PLOD3: variants seen among roughly 807,000 people sequenced by gnomAD.
The protein encoded by PLOD3 is procollagen-lysine,2-oxoglutarate 5-dioxygenase 3.
In PLOD3, 73 loss-of-function variants were observed where a neutral mutation model predicts 96.9. The observed-to-expected ratio is 0.75, with a 90% CI of 0.62 to 0.92. The LOEUF is 0.92. Among genes scored for constraint, PLOD3 ranks in the 40% least tolerant of loss-of-function variants. PLOD3 has a pLI of 0.00. For synonymous variants in PLOD3, 454 were observed against 413.7 expected, an observed-to-expected ratio of 1.10 and a Z score of -1.18; for missense variants, 1,004 against 1,004.3, an observed-to-expected ratio of 1.00 and a Z score of 0.00.
chr7:101,211,516 C>G (rs533750385), intron 12 of PLOD3, 75 bp downstream of exon 12: 4 of 1,501,378 alleles, frequency 2.7e-6, no homozygotes, highest in South Asian at 2.4e-5. Context: ...CTCCAAACCC[C>G]TGAGAGTAGG....
chr7:101,215,812 C>T (rs965029321), intron 5 of PLOD3, 96 bp downstream of exon 5: 1 of 864,166 alleles, frequency 1.2e-6, no homozygotes, highest in Non-Finnish European at 1.9e-6. Context: ...ACACATTTTT[C>T]TCTTTGCAAC....
chr7:101,210,702 G>A, intron 12 of PLOD3, 29 bp from the exon 13 acceptor site: 1 of 1,612,246 alleles, frequency 6.2e-7, no homozygotes, highest in Non-Finnish European at 8.5e-7. Context: ...CGGTCAGCTG[G>A]GAGGACAGCC....
chr7:101,208,922 T>C lies in PLOD3; in HGVS notation c.1719A>G (p.Ser573=). Residue 573 remains serine, a synonymous_variant, in exon 16 of 19, where the codon TCA becomes TCG. Coordinates refer to ENST00000223127, the MANE Select transcript of PLOD3 (RefSeq NM_001084.5). ...CPDVYWFPLL[S]EQMCDELVAE... is the part of the protein sequence containing the mutation. ...CCACCAGCTCATCACACATTTGTTC[T>C]GACAGCAGTGGGAACCAGTACACGT... 3 of 1,613,914 alleles carry C rather than the reference T, an allele frequency of 1.9e-6. No homozygotes were observed. The highest frequency in any genetic ancestry group is 2.5e-6 in the Non-Finnish European group (3 of 1,179,814).
intron 7 of PLOD3, 21 bp downstream of exon 7, chr7:101,213,086 G>A: frequency 6.4e-7 from 1 of 1,551,280 alleles, no homozygotes; most frequent in Non-Finnish European, 8.9e-7. Context: ...GCGGGGCGGG[G>A]GTTGAGACCA....
chr7:101,208,495 C>T (rs1445502567), intron 16 of PLOD3: 3 of 348,958 alleles, frequency 8.6e-6, no homozygotes, highest in Non-Finnish European at 1.7e-5. Flanking sequence ...CCTGCCTCGG[C>T]CTCCCAAAGT....
chr7:101,210,816 C>A, intron 12 of PLOD3, 143 bp from the exon 13 acceptor site: 1 of 784,528 alleles, frequency 1.3e-6, no homozygotes, highest in East Asian at 2.6e-5. Flanking sequence ...CACTGCTGGT[C>A]CCAACCACCC....
chr7:101,209,531 T>C (rs1423712728), intron 15 of PLOD3, among the ~76,000 whole-genome samples: 2 of 147,468 alleles, frequency 1.4e-5, no homozygotes, highest in Non-Finnish European at 3.0e-5. Flanking sequence ...GTGCACGCCA[T>C]CACACCTGAC....
intron 17 of PLOD3, 107 bp downstream of exon 17, chr7:101,207,471 G>C: frequency 8.3e-7 from 1 of 1,211,904 alleles, no homozygotes; most frequent in South Asian, 1.4e-5. Context: ...GAACTAAAAT[G>C]CATGGAGCCC....
In PLOD3 at chr7:101,217,343, G is replaced by A. The variant is rs1259322357; in HGVS notation, c.-69C>T. 2.2e-6 allele frequency: 3 copies of A among 1,339,948 alleles called. No individual in the cohort carries two copies. The highest frequency in any genetic ancestry group is 9.6e-7 in the Non-Finnish European group (1 of 1,044,660). The allele number at this position is 1,339,948 out of a possible 1,614,324, so 83.0% of individuals were successfully genotyped here. A position where few individuals can be genotyped will look rare whatever the true frequency, so the allele number is the denominator to read the frequency against. The stretch of plus-strand genomic sequence containing the variant: ...CGCTACGCGCCTGGATCCCAGCTCC[G>A]GAGGGGAGCTCTGGAAAGGGGGCGC... On this transcript the variant is annotated 5_prime_UTR_variant, in exon 1 of 19. Coordinates refer to ENST00000223127, the MANE Select transcript of PLOD3 (RefSeq NM_001084.5).
intron 5 of PLOD3, 120 bp downstream of exon 5, chr7:101,215,788 C>T: frequency 1.3e-6 from 1 of 742,020 alleles, no homozygotes. Flanking sequence ...AGGCGTGAGC[C>T]ACCACGCCCA....
intron 17 of PLOD3, among the ~76,000 whole-genome samples, chr7:101,207,162 G>A (rs1255289597): frequency 1.3e-5 from 2 of 152,046 alleles, no homozygotes; most frequent in Non-Finnish European, 2.9e-5. Context: ...TTTTAGTAGA[G>A]ACGAGGTTTC....
intron 5 of PLOD3, 56 bp downstream of exon 5, chr7:101,215,852 T>C (rs921185075): frequency 1.7e-6 from 2 of 1,210,506 alleles, no homozygotes; most frequent in Non-Finnish European, 2.5e-6. Context: ...CCATTCAGCC[T>C]GAGGCCTCCA....
intron 11 of PLOD3, 44 bp downstream of exon 11, chr7:101,211,802 C>T: frequency 6.3e-7 from 1 of 1,587,574 alleles, no homozygotes; most frequent in Non-Finnish European, 8.6e-7. Context: ...GTTCCCGGGG[C>T]CTGTTGGGGT....
chr7:101,216,006 C>T lies in PLOD3; in HGVS notation c.517G>A (p.Ala173Thr), dbSNP rs1429677452. The T allele has an allele frequency of 1.2e-6, 2 of 1,613,922 alleles. No individual in the cohort carries two copies. The highest frequency in any genetic ancestry group is 1.3e-5 in the African/African-American group (1 of 74,912). Residue 173 changes from alanine (A) to threonine (T), a missense_variant, in exon 5 of 19, where the codon GCC (alanine) becomes ACC (threonine). Ala to Thr is a moderately conservative substitution (Grantham distance 58). This residue lies in a region of PLOD3 where 690 missense variants were observed against 650.2 expected (regional missense o/e 1.06). Transcript: ENST00000223127. ...FLNSGGFIGFATTIHQIVRQW... is the reference protein window; with the variant it reads ...FLNSGGFIGFTTTIHQIVRQW... The stretch of plus-strand genomic sequence containing the variant: ...CGCACGATTTGGTGGATGGTGGTGG[C>T]AAAACCGATGAATCCTGGCGGGGAG...
chr7:101,210,101 C>G lies in PLOD3; in HGVS notation c.1675G>C (p.Val559Leu). The G allele has an allele frequency of 6.3e-7, 1 of 1,596,508 alleles. No homozygotes were observed. The highest frequency in any genetic ancestry group is 1.7e-5 in the Admixed American group (1 of 57,438). The change falls in exon 15 of 19, where the codon GTG (valine) becomes CTG (leucine). Residue 559 changes from valine (V) to leucine (L), a missense_variant. Val to Leu is a conservative substitution (Grantham distance 32). Around this residue, in one of 5 missense-constraint regions of PLOD3, gnomAD observed 65 missense variants for 68.8 expected, o/e 0.94. Transcript: ENST00000223127. ...AGGCTGCGTGGGCTCACCTGCTCCA[C>G]GATTCCTTCCCCTTCCAGGGCCCGG... is the stretch of plus-strand genomic sequence containing the variant. ...YSRALEGEGI[V>L]EQPCPDVYWF...
At chr7:101,215,876 G>A (rs1048779512) in intron 5 of PLOD3, 32 bp downstream of exon 5, 2 of 1,440,370 alleles carry the variant, frequency 1.4e-6, no homozygotes, top group South Asian at 2.3e-5. Flanking sequence ...CCACAGAGCT[G>A]CGGGATGCGC....
At position 101,217,219 on chromosome 7, in the gene PLOD3, G is replaced by GGCA. The variant is rs886467626; in HGVS notation, c.53_55dup (p.Leu18dup). Reference sequence around the variant, plus strand: ...CCGGTCGGAGGCTGAGGCCGCAGGGGGCAGCAGCAGCGGCAGCAGCAGCAG... The same window carrying GGCA: ...CCGGTCGGAGGCTGAGGCCGCAGGGGGCAGCAGCAGCAGCGGCAGCAGCAGCAG... On this transcript the variant is annotated inframe_insertion, in exon 1 of 19. Transcript: ENST00000223127. 6.6e-7 allele frequency: 1 copy of GGCA among 1,504,068 alleles called. No homozygotes were observed. The highest frequency in any genetic ancestry group is 1.3e-5 in the South Asian group (1 of 78,720). 93.2% of individuals were successfully genotyped at this position (1,504,068 alleles called of 1,614,324 possible).
intron 16 of PLOD3, among the ~76,000 whole-genome samples, chr7:101,208,015 G>A (rs1413528822): frequency 6.6e-6 from 1 of 152,172 alleles, no homozygotes; most frequent in Non-Finnish European, 1.5e-5. Flanking sequence ...GCTGTGTGGT[G>A]GCTGCTGCTC....
At chr7:101,215,012 C>A in intron 6 of PLOD3, 77 bp downstream of exon 6, 1 of 1,120,006 alleles carries the variant, frequency 8.9e-7, no homozygotes, top group Non-Finnish European at 1.4e-6. Flanking sequence ...CCCAGCTCCT[C>A]CAGAAGCCTC....
Sources: gnomAD v4.1 joint callset for allele counts (sites outside exome capture counted in the v4.1 genomes callset) on GRCh38, gnomAD v4.1.1 for gene constraint, gnomAD v4.1.1 regional missense constraint, MANE v1.5 for transcripts, NCBI Gene and HGNC (gene_info 2026-07-23, HGNC 2026-07-21) for gene names.